DLG2: variants seen among roughly 807,000 people sequenced by gnomAD.
DLG2 encodes the protein discs large MAGUK scaffold protein 2, also known as disks large homolog 2.
Under a neutral mutation model 132.5 loss-of-function variants are expected in DLG2, and 45 were observed. The ratio of observed to expected loss-of-function variants is 0.34; its 90% CI spans 0.27 to 0.44. DLG2 has a LOEUF of 0.44. Among genes scored for constraint, DLG2 ranks in the 20% least tolerant of loss-of-function variants. The pLI, the probability that DLG2 is intolerant of heterozygous loss-of-function variation, is 1.00. For synonymous variants in DLG2, 424 were observed against 419.6 expected, an observed-to-expected ratio of 1.01 and a Z score of -0.13; for missense variants, 1,045 against 1,196.9, an observed-to-expected ratio of 0.87 and a Z score of 1.87.
At chr11:85,007,072 G>T (rs1001028427) in intron 6 of DLG2, among the ~76,000 whole-genome samples, 2 of 152,088 alleles carry the variant, frequency 1.3e-5, no homozygotes, top group Non-Finnish European at 2.9e-5. Flanking sequence ...ATCATATGAT[G>T]ATTTTATTCT....
intron 7 of DLG2, among the ~76,000 whole-genome samples, chr11:84,417,607 A>G (rs2098934230): frequency 6.6e-6 from 1 of 152,070 alleles, no homozygotes; most frequent in Non-Finnish European, 1.5e-5. Context: ...GGGTGCCACA[A>G]ACACATACCC....
At chr11:84,883,184 T>A (rs1393773546) in intron 6 of DLG2, among the ~76,000 whole-genome samples, 1 of 152,030 alleles carries the variant, frequency 6.6e-6, no homozygotes, top group Non-Finnish European at 1.5e-5. Context: ...CTGGAAACCA[T>A]CATTCTCAGC....
intron 6 of DLG2, among the ~76,000 whole-genome samples, chr11:85,090,656 G>T (rs1379931484): frequency 6.6e-6 from 1 of 152,070 alleles, no homozygotes; most frequent in East Asian, 1.9e-4. Context: ...TCAATGAAGG[G>T]TAAGCTTGTA....
intron 4 of DLG2, among the ~76,000 whole-genome samples, chr11:85,191,146 G>A (rs182476299): frequency 2.5e-4 from 34 of 138,586 alleles, no homozygotes; most frequent in South Asian, 7.1e-4. Flanking sequence ...ATATGCATGC[G>A]CGCGCGCGCA....
chr11:84,244,720 T>C (rs1308903454), intron 8 of DLG2, among the ~76,000 whole-genome samples: 1 of 152,208 alleles, frequency 6.6e-6, no homozygotes, highest in Non-Finnish European at 1.5e-5. Flanking sequence ...AACAATATAG[T>C]TTTAACAATG....
intron 19 of DLG2, among the ~76,000 whole-genome samples, chr11:83,546,478 G>C (rs867064785): frequency 1.7e-4 from 26 of 152,072 alleles, no homozygotes; most frequent in African/African-American, 5.8e-4. Context: ...AAAGGGTGCT[G>C]CGGAGATACG....
chr11:84,203,090 T>C (rs1159532114), intron 8 of DLG2, among the ~76,000 whole-genome samples: 2 of 151,638 alleles, frequency 1.3e-5, no homozygotes, highest in Non-Finnish European at 2.9e-5. Context: ...AAATACCATT[T>C]GACCGAACAA....
chr11:84,943,364 T>C (rs1166525465), intron 6 of DLG2, among the ~76,000 whole-genome samples: 1 of 151,878 alleles, frequency 6.6e-6, no homozygotes, highest in African/African-American at 2.4e-5. Flanking sequence ...CTTTCTGCCT[T>C]CCTAACTGCC....
chr11:83,791,660 G>A (rs1335341367), intron 17 of DLG2: 1 of 325,786 alleles, frequency 3.1e-6, no homozygotes, highest in Non-Finnish European at 5.8e-6. Flanking sequence ...TCAGCCGGGC[G>A]CGGTGGCTCA....
chr11:85,028,987 T>C (rs1275523545), intron 6 of DLG2, among the ~76,000 whole-genome samples: 2 of 152,218 alleles, frequency 1.3e-5, no homozygotes, highest in East Asian at 1.9e-4. Context: ...CATAATGTAA[T>C]ATGAAAGTAT....
intron 6 of DLG2, among the ~76,000 whole-genome samples, chr11:84,631,018 TCA>T (rs372331224): frequency 0.078 from 7,197 of 92,564 alleles, 518 homozygotes; most frequent in East Asian, 0.18. Context: ...TCTCTCTCTC[TCA>T]CACACACACA....
chr11:83,968,308 T>C (rs187342540), intron 12 of DLG2, among the ~76,000 whole-genome samples: 7 of 152,318 alleles, frequency 4.6e-5, no homozygotes, highest in East Asian at 3.9e-4. Context: ...CTGGAGAGAA[T>C]TGAACCTGAC....
At chr11:84,624,639 CAG>C (rs2099619148) in intron 6 of DLG2, among the ~76,000 whole-genome samples, 1 of 151,490 alleles carries the variant, frequency 6.6e-6, no homozygotes, top group South Asian at 2.1e-4. Flanking sequence ...TTAATAGAGA[CAG>C]AAACTAGGGA....
chr11:83,670,159 T>A (rs1207237111), intron 18 of DLG2, among the ~76,000 whole-genome samples: 1 of 152,184 alleles, frequency 6.6e-6, no homozygotes, highest in East Asian at 1.9e-4. Flanking sequence ...GATGTCTAGT[T>A]CACCTCTGCA....
At chr11:84,629,076 A>T (rs2099627499) in intron 6 of DLG2, among the ~76,000 whole-genome samples, 1 of 152,194 alleles carries the variant, frequency 6.6e-6, no homozygotes, top group Non-Finnish European at 1.5e-5. Flanking sequence ...CACAGCATGA[A>T]TCCTTCCTTT....
intron 6 of DLG2, among the ~76,000 whole-genome samples, chr11:84,647,342 A>C (rs531094323): frequency 6.6e-6 from 1 of 152,274 alleles, no homozygotes; most frequent in East Asian, 1.9e-4. Context: ...ATCATCACCA[A>C]ATTAATATTT....
chr11:83,509,827 T>C (rs889553261), intron 21 of DLG2, among the ~76,000 whole-genome samples: 1 of 152,054 alleles, frequency 6.6e-6, no homozygotes, highest in African/African-American at 2.4e-5. Flanking sequence ...CTGAAAGGGC[T>C]GAGAGATGTG....
chr11:83,753,875 GATATATATCATAT>G (rs1566833177), intron 18 of DLG2, among the ~76,000 whole-genome samples: 1 of 14,416 alleles, frequency 6.9e-5, no homozygotes, highest in Non-Finnish European at 1.1e-4. Flanking sequence ...TCATATATAT[GATATATATCATAT>G]ATATCATATA....
At chr11:83,725,538 G>A (rs1250908214) in intron 18 of DLG2, 2 of 152,154 alleles carry the variant, frequency 1.3e-5, no homozygotes, top group Admixed American at 6.5e-5. Flanking sequence ...ACCTTTTTGC[G>A]TGGCAAAACC....
Sources: allele counts gnomAD v4.1 joint callset (sites outside exome capture counted in the v4.1 genomes callset), GRCh38; gene constraint gnomAD v4.1.1; transcripts MANE v1.5; gene names NCBI Gene and HGNC (gene_info 2026-07-23, HGNC 2026-07-21).